Variants in CHSY3 observed in about 807,000 individuals in gnomAD.
CHSY3 encodes the protein chondroitin sulfate synthase 3.
In CHSY3, 35 loss-of-function variants were observed where a neutral mutation model predicts 67.2. The observed-to-expected ratio is 0.52, with a 90% CI of 0.40 to 0.69. CHSY3 has a LOEUF of 0.69. Among genes scored for constraint, CHSY3 ranks in the 30% least tolerant of loss-of-function variants. CHSY3 has a pLI of 0.00. For missense variants in CHSY3, 1,069 were observed against 1,138.5 expected (o/e 0.94, Z 0.88); for synonymous variants, 474 against 434.7 (o/e 1.09, Z -1.12).
intron 2 of CHSY3, among the ~76,000 whole-genome samples, chr5:129,978,166 G>A (rs907289202): frequency 6.6e-6 from 1 of 151,986 alleles, no homozygotes; most frequent in Admixed American, 6.6e-5. Flanking sequence ...TGAGCTTAGA[G>A]TACTAATTAT....
chr5:129,914,420 C>G (rs1469271710), intron 2 of CHSY3, among the ~76,000 whole-genome samples: 2 of 152,126 alleles, frequency 1.3e-5, no homozygotes, highest in Admixed American at 6.6e-5. Flanking sequence ...GCCAAATTTC[C>G]CTCTTTTCTA....
intron 2 of CHSY3, among the ~76,000 whole-genome samples, chr5:129,962,261 C>A (rs1406993163): frequency 6.6e-6 from 1 of 151,946 alleles, no homozygotes; most frequent in African/African-American, 2.4e-5. Flanking sequence ...AATGGTACCA[C>A]CACCAAGCCA....
chr5:129,929,180 G>C (rs115871600), intron 2 of CHSY3, among the ~76,000 whole-genome samples: 2,428 of 152,290 alleles, frequency 0.016, 28 homozygotes, highest in Non-Finnish European at 0.026. Context: ...ATGAACTACT[G>C]TCATCCATTT....
rs542557861 is a variant in CHSY3, at chr5:129,909,628, A to G, written c.1086+1268A>G. On this transcript the variant is annotated intron_variant, in intron 2 of 2. Transcript: ENST00000305031. ...GGTAATTTGTAAAAACTATCCTACA[A>G]CTACCCTTTAGGATAAAAATTTATG... is the stretch of plus-strand genomic sequence containing the variant. 7.9e-5 allele frequency among the ~76,000 whole-genome samples: 12 copies of G among 152,114 alleles called. 1 individual carries two copies. The highest frequency in any genetic ancestry group is 2.9e-4 in the African/African-American group (12 of 41,566).
intron 2 of CHSY3, among the ~76,000 whole-genome samples, chr5:130,022,945 A>G (rs528832777): frequency 3.3e-5 from 5 of 152,132 alleles, no homozygotes; most frequent in Admixed American, 1.3e-4. Flanking sequence ...AATATGCCCT[A>G]TATTTGTTAT....
intron 2 of CHSY3, among the ~76,000 whole-genome samples, chr5:130,134,551 C>G (rs766917951): frequency 6.6e-6 from 1 of 152,118 alleles, no homozygotes; most frequent in Non-Finnish European, 1.5e-5. Flanking sequence ...GGGACTTTAT[C>G]TCTTGAGAGG....
At chr5:129,965,628 A>G (rs888829587) in intron 2 of CHSY3, among the ~76,000 whole-genome samples, 1 of 151,884 alleles carries the variant, frequency 6.6e-6, no homozygotes, top group African/African-American at 2.4e-5. Context: ...AAACGAGATA[A>G]TTGACAGGTT....
At chr5:130,094,758 A>T (rs1418155558) in intron 2 of CHSY3, among the ~76,000 whole-genome samples, 1 of 152,178 alleles carries the variant, frequency 6.6e-6, no homozygotes, top group East Asian at 1.9e-4. Flanking sequence ...TACACAGTGA[A>T]CCACATAACC....
In CHSY3 at chr5:129,948,849, TA is replaced by T. The variant is rs573811366; in HGVS notation, c.1086+40490del. Among the ~76,000 whole-genome samples, 102 of 152,314 alleles carry T rather than the reference TA, an allele frequency of 6.7e-4. 1 individual carries two copies. The highest frequency in any genetic ancestry group is 3.5e-3 in the Admixed American group (53 of 15,298). On this transcript the variant is annotated intron_variant, in intron 2 of 2. Coordinates refer to ENST00000305031, the MANE Select transcript of CHSY3 (RefSeq NM_175856.5). Reference sequence around the variant, plus strand: ...GCACCACATTCATGCCAACATCTATTATTTTTTTATTATGGCCATTCTTGCA... The same window carrying T: ...GCACCACATTCATGCCAACATCTATTTTTTTTTATTATGGCCATTCTTGCA...
At chr5:130,150,126 A>G (rs1769192304) in intron 2 of CHSY3, among the ~76,000 whole-genome samples, 1 of 152,198 alleles carries the variant, frequency 6.6e-6, no homozygotes. Flanking sequence ...TTCACAAAGA[A>G]TGAAAAATTA....
At chr5:130,048,525 G>A (rs913852346) in intron 2 of CHSY3, among the ~76,000 whole-genome samples, 6 of 151,864 alleles carry the variant, frequency 4.0e-5, no homozygotes, top group East Asian at 1.9e-4. Context: ...AGTGCAGCTT[G>A]GAGTGGAGGA....
intron 2 of CHSY3, among the ~76,000 whole-genome samples, chr5:130,077,987 G>A (rs1165581138): frequency 6.6e-6 from 1 of 151,940 alleles, no homozygotes; most frequent in Non-Finnish European, 1.5e-5. Flanking sequence ...CTTAATACTT[G>A]CCAGTCACTG....
chr5:130,074,063 TA>T (rs201585946), intron 2 of CHSY3, among the ~76,000 whole-genome samples: 1,731 of 150,992 alleles, frequency 0.011, 26 homozygotes, highest in African/African-American at 0.039. Context: ...GAATACAAGT[TA>T]TTTTTTTGTT....
At chr5:130,134,509 G>A (rs1768596102) in intron 2 of CHSY3, among the ~76,000 whole-genome samples, 1 of 152,036 alleles carries the variant, frequency 6.6e-6, no homozygotes, top group Admixed American at 6.6e-5. Context: ...CATTCCATAT[G>A]CATATGTTGA....
chr5:130,120,497 A>AG (rs1767977793), intron 2 of CHSY3, among the ~76,000 whole-genome samples: 1 of 151,384 alleles, frequency 6.6e-6, no homozygotes, highest in South Asian at 2.1e-4. Context: ...AAAAAAAAAA[A>AG]AAAAAAAAAA....
chr5:130,036,958 G>T (rs1016415387), intron 2 of CHSY3, among the ~76,000 whole-genome samples: 1 of 152,078 alleles, frequency 6.6e-6, no homozygotes, highest in African/African-American at 2.4e-5. Context: ...CTTGAGGAAA[G>T]ATACTAAAAG....
intron 2 of CHSY3, among the ~76,000 whole-genome samples, chr5:130,146,075 A>C (rs1048244372): frequency 7.9e-5 from 12 of 152,190 alleles, no homozygotes; most frequent in African/African-American, 2.9e-4. Context: ...GAACTATCAT[A>C]TGACCCAGCA....
At chr5:129,910,211 A>G (rs1016034310) in intron 2 of CHSY3, among the ~76,000 whole-genome samples, 20 of 152,024 alleles carry the variant, frequency 1.3e-4, no homozygotes, top group Admixed American at 1.2e-3. Context: ...AGAGCAAACA[A>G]AAGAGATTCC....
intron 2 of CHSY3, among the ~76,000 whole-genome samples, chr5:129,928,230 C>T (rs1302762130): frequency 7.8e-6 from 1 of 127,534 alleles, no homozygotes; most frequent in Non-Finnish European, 1.6e-5. Flanking sequence ...CAGTACTCAA[C>T]TTCACTGATC....
Sources: allele counts gnomAD v4.1 joint callset (sites outside exome capture counted in the v4.1 genomes callset), GRCh38; gene constraint gnomAD v4.1.1; transcripts MANE v1.5; gene names NCBI Gene and HGNC (gene_info 2026-07-23, HGNC 2026-07-21).